SNTG2: variants seen among roughly 807,000 people sequenced by gnomAD.
SNTG2 encodes gamma-2-syntrophin.
A neutral mutation model predicts 70.9 loss-of-function variants in SNTG2; 74 were observed. That is an observed-to-expected ratio of 1.04 (90% confidence interval 0.86 to 1.27). The LOEUF (loss-of-function observed/expected upper bound fraction) is 1.27. SNTG2 is among the 50% of genes most tolerant of loss of function. The pLI is 0.00. For missense variants in SNTG2, 717 were observed against 690.7 expected (o/e 1.04, Z -0.43); for synonymous variants, 278 against 273.8 (o/e 1.02, Z -0.15).
chr2:1,208,218 C>T (rs28735868), intron 8 of SNTG2, among the ~76,000 whole-genome samples: 47,205 of 147,404 alleles, frequency 0.32, 7,919 homozygotes, highest in East Asian at 0.66. Context: ...CCTGTGAGCG[C>T]GGGTTACACC....
In SNTG2 at chr2:1,234,221, G is replaced by A. The variant is rs558603042; in HGVS notation, c.720-3667G>A. 2.6e-5 allele frequency among the ~76,000 whole-genome samples: 4 copies of A among 152,266 alleles called. No individual in the cohort carries two copies. In the East Asian group the frequency reaches 7.7e-4, roughly 29 times the overall value. ...GGCTCCTGATCTTGCATCCAGACGT[G>A]CCTGAAAGCAGATTGCGTGACTTAC... is the stretch of plus-strand genomic sequence containing the variant. On this transcript the variant is annotated intron_variant, in intron 9 of 16. Coordinates refer to ENST00000308624, the MANE Select transcript of SNTG2 (RefSeq NM_018968.4).
At chr2:1,280,303 A>G (rs902985130) in intron 14 of SNTG2, among the ~76,000 whole-genome samples, 1 of 152,342 alleles carries the variant, frequency 6.6e-6, no homozygotes, top group African/African-American at 2.4e-5. Context: ...GTTTAATTAC[A>G]CAATTAAGTT....
At chr2:1,140,473 G>A (rs954326112) in intron 6 of SNTG2, among the ~76,000 whole-genome samples, 2 of 152,222 alleles carry the variant, frequency 1.3e-5, no homozygotes, top group South Asian at 2.1e-4. Context: ...CACAGATTGG[G>A]ATGTCTCGGG....
At chr2:1,066,419 G>A (rs1017441675) in intron 1 of SNTG2, among the ~76,000 whole-genome samples, 18 of 151,978 alleles carry the variant, frequency 1.2e-4, no homozygotes, top group African/African-American at 4.1e-4. Context: ...GCTGGCTGCA[G>A]GCGTTGAGTT....
chr2:1,199,641 A>T (rs1173749311), intron 8 of SNTG2, among the ~76,000 whole-genome samples: 1 of 152,024 alleles, frequency 6.6e-6, no homozygotes, highest in Admixed American at 6.5e-5. Context: ...TCACCAAAAA[A>T]CTCTTAATAC....
At chr2:992,915 C>A (rs1661549142) in intron 1 of SNTG2, among the ~76,000 whole-genome samples, 1 of 152,072 alleles carries the variant, frequency 6.6e-6, no homozygotes, top group Non-Finnish European at 1.5e-5. Flanking sequence ...CTCTTTAGCA[C>A]CCTTAATATA....
At chr2:1,347,382 C>T (rs922071671) in intron 16 of SNTG2, among the ~76,000 whole-genome samples, 1 of 152,174 alleles carries the variant, frequency 6.6e-6, no homozygotes, top group Non-Finnish European at 1.5e-5. Context: ...ACCAAGGAGC[C>T]CTCAGGCAAG....
chr2:1,001,418 A>G (rs1045526138), intron 1 of SNTG2, among the ~76,000 whole-genome samples: 2 of 152,082 alleles, frequency 1.3e-5, no homozygotes, highest in Non-Finnish European at 2.9e-5. Context: ...AATTCAATAA[A>G]GTTTCAAGAT....
chr2:1,233,635 G>A (rs370312372), intron 9 of SNTG2, among the ~76,000 whole-genome samples: 1 of 152,180 alleles, frequency 6.6e-6, no homozygotes, highest in Non-Finnish European at 1.5e-5. Flanking sequence ...ACCTGAGCAC[G>A]TAACTTCAAT....
chr2:1,134,982 T>C (rs1164398205), intron 4 of SNTG2, among the ~76,000 whole-genome samples: 2 of 152,118 alleles, frequency 1.3e-5, no homozygotes, highest in Non-Finnish European at 2.9e-5. Context: ...AGCCCCTCAT[T>C]GAGACAGACG....
At chr2:1,217,248 C>A (rs1353768981) in intron 9 of SNTG2, among the ~76,000 whole-genome samples, 1 of 152,104 alleles carries the variant, frequency 6.6e-6, no homozygotes, top group Non-Finnish European at 1.5e-5. Flanking sequence ...TTGCCTCCAA[C>A]ATGTTACAAG....
At chr2:976,948 T>TGCA (rs1392150337) in intron 1 of SNTG2, among the ~76,000 whole-genome samples, 1 of 152,232 alleles carries the variant, frequency 6.6e-6, no homozygotes, top group African/African-American at 2.4e-5. Context: ...ACCAGGCTGC[T>TGCA]GGTCTGCTGG....
At chr2:1,321,014 G>A (rs1407184369) in intron 16 of SNTG2, among the ~76,000 whole-genome samples, 1 of 152,180 alleles carries the variant, frequency 6.6e-6, no homozygotes, top group East Asian at 1.9e-4. Context: ...ACACTTAAAT[G>A]TTTTAAATGA....
At chr2:983,978 C>G (rs1661217080) in intron 1 of SNTG2, among the ~76,000 whole-genome samples, 1 of 152,108 alleles carries the variant, frequency 6.6e-6, no homozygotes, top group African/African-American at 2.4e-5. Flanking sequence ...GGGTCAGTGT[C>G]AAGAGGAGGC....
At chr2:1,015,222 A>G (rs569173397) in intron 1 of SNTG2, among the ~76,000 whole-genome samples, 175 of 152,320 alleles carry the variant, frequency 1.1e-3, no homozygotes, top group Non-Finnish European at 2.1e-3. Flanking sequence ...GTGGCTGTTC[A>G]GATGCAAAGA....
chr2:1,367,566 A>C lies in SNTG2; in HGVS notation c.*92A>C. 1 of 1,444,754 alleles carries C rather than the reference A, an allele frequency of 6.9e-7. No individual in the cohort carries two copies. The highest frequency in any genetic ancestry group is 9.3e-7 in the Non-Finnish European group (1 of 1,069,762). 89.5% of individuals were successfully genotyped at this position (1,444,754 alleles called of 1,614,324 possible). ...TATTGCAACTTTGTGTTGTTTTATG[A>C]TGAGCCTATAGTTGTGATACCAATA... On this transcript the variant is annotated 3_prime_UTR_variant, in exon 17 of 17. Coordinates refer to ENST00000308624, the MANE Select transcript of SNTG2 (RefSeq NM_018968.4).
At chr2:1,359,082 T>C (rs1259419311) in intron 16 of SNTG2, among the ~76,000 whole-genome samples, 1 of 152,160 alleles carries the variant, frequency 6.6e-6, no homozygotes, top group African/African-American at 2.4e-5. Flanking sequence ...TTTTGAATAT[T>C]TGTATATCCA....
intron 8 of SNTG2, among the ~76,000 whole-genome samples, chr2:1,204,706 G>A (rs1041649533): frequency 6.6e-6 from 1 of 152,100 alleles, no homozygotes; most frequent in African/African-American, 2.4e-5. Flanking sequence ...TTCCTCTATT[G>A]TATTAGCAGT....
chr2:1,265,842 T>C (rs1035009907), intron 13 of SNTG2, among the ~76,000 whole-genome samples: 1 of 152,214 alleles, frequency 6.6e-6, no homozygotes, highest in East Asian at 1.9e-4. Context: ...TGCAGGGCTG[T>C]GGGTGAACAC....
Sources: allele counts gnomAD v4.1 joint callset (sites outside exome capture counted in the v4.1 genomes callset), GRCh38; gene constraint gnomAD v4.1.1; transcripts MANE v1.5; gene names NCBI Gene and HGNC (gene_info 2026-07-23, HGNC 2026-07-21).